The following COL14A1 variants were observed in gnomAD, a reference collection of about 807,000 sequenced individuals.
COL14A1 encodes collagen type XIV alpha 1 chain.
In COL14A1, 136 loss-of-function variants were observed where a neutral mutation model predicts 230.3. The observed-to-expected ratio is 0.59, with a 90% confidence interval of 0.51 to 0.68. The LOEUF (loss-of-function observed/expected upper bound fraction) is 0.68. COL14A1 is among the 30% of genes least tolerant of loss of function. The probability of loss-of-function intolerance (pLI) is 0.00; values close to 1 mark genes in which losing one functional copy is unlikely to be tolerated. For synonymous variants in COL14A1, 792 were observed against 784.1 expected, an observed-to-expected ratio of 1.01 and a Z score of -0.17; for missense variants, 1,976 against 2,215.8, an observed-to-expected ratio of 0.89 and a Z score of 2.17.
chr8:120,343,656 T>C (rs1022695401), intron 44 of COL14A1, among the ~76,000 whole-genome samples: 1 of 152,222 alleles, frequency 6.6e-6, no homozygotes, highest in Non-Finnish European at 1.5e-5. Context: ...TTTTCTGTTA[T>C]ATTGCCCAAA....
Position 120,174,533 on chromosome 8 carries a change from G to A in COL14A1, c.436+6286G>A, listed in dbSNP as rs543682245. Among the ~76,000 whole-genome samples, 28 of 152,298 alleles carry A rather than the reference G, an allele frequency of 1.8e-4. 1 individual carries two copies. The East Asian group carries it at 4.2e-3, about 23-fold the overall frequency. Reference sequence around the variant, plus strand: ...TTCTAATAAATACCAATACACATTTGGAGAAGGAAGATTCATAAGCAGTCC... The same window carrying A: ...TTCTAATAAATACCAATACACATTTAGAGAAGGAAGATTCATAAGCAGTCC... On this transcript the variant is annotated intron_variant, in intron 5 of 47. Coordinates refer to ENST00000297848, the MANE Select transcript of COL14A1 (RefSeq NM_021110.4).
intron 34 of COL14A1, 49 bp from the exon 35 acceptor site, chr8:120,297,462 A>G: frequency 1.1e-6 from 1 of 906,108 alleles, no homozygotes; most frequent in Non-Finnish European, 1.6e-6. Context: ...CATTATAAAG[A>G]TAATTTATAT....
rs1812173717 is a variant in COL14A1, at chr8:120,372,028, A to G, written c.*797A>G. 1 of 170,172 alleles carries G rather than the reference A, an allele frequency of 5.9e-6. No homozygotes were observed. The highest frequency in any genetic ancestry group is 1.3e-5 in the Non-Finnish European group (1 of 79,792). 10.5% of individuals were successfully genotyped at this position (170,172 alleles called of 1,614,324 possible). On this transcript the variant is annotated 3_prime_UTR_variant, in exon 48 of 48. Transcript: ENST00000297848. Reference sequence around the variant, plus strand: ...TTCTTTTGTAAGCAAATAAAACTTTAAAACAATGTATGTGGATTCTTTTTC... The same window carrying G: ...TTCTTTTGTAAGCAAATAAAACTTTGAAACAATGTATGTGGATTCTTTTTC...
rs1354787090 is a variant in COL14A1, at chr8:120,334,542, A to G, written c.4785+1807A>G. 2.0e-5 allele frequency among the ~76,000 whole-genome samples: 3 copies of G among 151,202 alleles called. No homozygotes were observed. In the Admixed American group the frequency reaches 2.0e-4, roughly 10 times the overall value. On this transcript the variant is annotated intron_variant, in intron 42 of 47. Coordinates refer to ENST00000297848, the MANE Select transcript of COL14A1 (RefSeq NM_021110.4). ...CACCTAGAAACATATACTGAAACCC[A>G]CATGTGTGAACACATGAAAAAATGC...
intron 5 of COL14A1, among the ~76,000 whole-genome samples, chr8:120,172,445 C>A (rs144474737): frequency 0.014 from 2,199 of 152,246 alleles, 26 homozygotes; most frequent in Non-Finnish European, 0.019. Flanking sequence ...GCCACCGCAG[C>A]CGGTTAGGGT....
rs903869126 is a variant in COL14A1 at position 120,368,060 on chromosome 8, G to C, written c.5155+812G>C. On this transcript the variant is annotated intron_variant, in intron 46 of 47. Transcript: ENST00000297848. Reference sequence around the variant, plus strand: ...CTAGCCCCAACTGAACTGCAAGGCAGACACAAAATTTAGAGAAATACAGGG... The same window carrying C: ...CTAGCCCCAACTGAACTGCAAGGCACACACAAAATTTAGAGAAATACAGGG... Among the ~76,000 whole-genome samples the C allele has an allele frequency of 2.6e-5, 4 of 152,124 alleles. 1 individual carries two copies. The highest frequency in any genetic ancestry group is 2.6e-4 in the Admixed American group (4 of 15,266).
At chr8:120,300,310 T>C (rs1820671665) in intron 35 of COL14A1, among the ~76,000 whole-genome samples, 1 of 152,174 alleles carries the variant, frequency 6.6e-6, no homozygotes, top group Admixed American at 6.6e-5. Context: ...TTAGTACAGA[T>C]ATAGTTGTTT....
At chr8:120,311,579 A>G (rs984694045) in intron 37 of COL14A1, among the ~76,000 whole-genome samples, 3 of 152,202 alleles carry the variant, frequency 2.0e-5, no homozygotes, top group African/African-American at 4.8e-5. Context: ...GGACGTTGAC[A>G]TGTCCACCAA....
intron 5 of COL14A1, among the ~76,000 whole-genome samples, chr8:120,194,083 C>A (rs920384584): frequency 6.6e-6 from 1 of 152,176 alleles, no homozygotes; most frequent in African/African-American, 2.4e-5. Flanking sequence ...TCCGGCACTC[C>A]CTAGTGGGAT....
intron 45 of COL14A1, among the ~76,000 whole-genome samples, chr8:120,365,669 A>T (rs1260670769): frequency 2.6e-5 from 4 of 152,320 alleles, no homozygotes; most frequent in Middle Eastern, 3.4e-3. Context: ...AACTCAGATG[A>T]GATGGTATTT....
intron 5 of COL14A1, among the ~76,000 whole-genome samples, chr8:120,194,451 T>C (rs1236377114): frequency 6.6e-6 from 1 of 152,194 alleles, no homozygotes; most frequent in Admixed American, 6.5e-5. Flanking sequence ...CTTATGCTTT[T>C]ATTTTCTTTA....
rs188692976 is a variant in COL14A1 at position 120,243,370 on chromosome 8, T to C, written c.2350-509T>C. Among the ~76,000 whole-genome samples, 544 of 152,276 alleles carry C rather than the reference T, an allele frequency of 3.6e-3. 3 individuals are homozygous for C. Among genetic ancestry groups the C allele is most frequent in the African/African-American group, 0.012 (506 of 41,544 alleles). On this transcript the variant is annotated intron_variant, in intron 19 of 47. Transcript: ENST00000297848. ...AAATATGCTTCAGCTCAAGAAAACT[T>C]GGCTTTGATGTGTGGTTCTGTTGCT...
chr8:120,304,585 A>G (rs976907254), intron 36 of COL14A1, among the ~76,000 whole-genome samples: 2 of 152,182 alleles, frequency 1.3e-5, no homozygotes, highest in African/African-American at 4.8e-5. Context: ...TGTGAATGAA[A>G]CCATTTAACT....
At chr8:120,244,445 T>G (rs932020013) in intron 20 of COL14A1, among the ~76,000 whole-genome samples, 3 of 152,156 alleles carry the variant, frequency 2.0e-5, no homozygotes, top group African/African-American at 7.2e-5. Flanking sequence ...ACATGAGTAA[T>G]TCTTTAGTGG....
intron 18 of COL14A1, among the ~76,000 whole-genome samples, chr8:120,229,819 T>C (rs569776467): frequency 1.1e-4 from 16 of 152,342 alleles, no homozygotes; most frequent in African/African-American, 3.6e-4. Flanking sequence ...TGGTGTGAGA[T>C]GGTATCTCAT....
chr8:120,326,039 A>G (rs898806835), intron 40 of COL14A1, among the ~76,000 whole-genome samples: 1 of 152,154 alleles, frequency 6.6e-6, no homozygotes, highest in Non-Finnish European at 1.5e-5. Context: ...CCTTTCACCA[A>G]GTTTATTGCT....
chr8:120,251,889 C>A (rs1818975236), intron 22 of COL14A1, among the ~76,000 whole-genome samples: 1 of 151,960 alleles, frequency 6.6e-6, no homozygotes, highest in Non-Finnish European at 1.5e-5. Context: ...ATGTATAATA[C>A]CTTTTTCCTT....
intron 33 of COL14A1, among the ~76,000 whole-genome samples, chr8:120,286,573 G>T (rs991825247): frequency 1.3e-5 from 2 of 152,000 alleles, no homozygotes; most frequent in Non-Finnish European, 2.9e-5. Flanking sequence ...GCAGTGGCGC[G>T]ATCTTGGCTC....
chr8:120,372,459 A>G lies in COL14A1; in HGVS notation c.*1228A>G, dbSNP rs1812191649. On this transcript the variant is annotated 3_prime_UTR_variant, in exon 48 of 48. Transcript: ENST00000297848. ...TTTGTCTTTTGCTCACAAAGGAAAA[A>G]TCTAGGTATTTGAGAAAGATTTGAA... 6.6e-6 allele frequency among the ~76,000 whole-genome samples: 1 copy of G among 152,182 alleles called. No individual in the cohort carries two copies. Among genetic ancestry groups the G allele is most frequent in the South Asian group, 2.1e-4 (1 of 4,828 alleles).
Sources: gnomAD v4.1 joint callset for allele counts (sites outside exome capture counted in the v4.1 genomes callset) on GRCh38, gnomAD v4.1.1 for gene constraint, MANE v1.5 for transcripts, NCBI Gene and HGNC (gene_info 2026-07-23, HGNC 2026-07-21) for gene names.